Variants in SGMS1 observed in about 807,000 individuals in gnomAD.
SGMS1 encodes phosphatidylcholine:ceramide cholinephosphotransferase 1.
In SGMS1, 13 loss-of-function variants were observed where a neutral mutation model predicts 46.2. That is an observed-to-expected ratio of 0.28 (90% CI 0.18 to 0.45). The LOEUF is 0.45. Among genes scored for constraint, SGMS1 ranks in the 20% least tolerant of loss-of-function variants. SGMS1 has a pLI of 1.00. For synonymous variants in SGMS1, 203 were observed against 187.8 expected (o/e 1.08, Z -0.66); for missense variants, 324 against 519.9 (o/e 0.62, Z 3.66).
chr10:50,349,231 G>A (rs919636627), intron 6 of SGMS1, among the ~76,000 whole-genome samples: 1 of 152,166 alleles, frequency 6.6e-6, no homozygotes, highest in Non-Finnish European at 1.5e-5. Context: ...AATTCTCTAC[G>A]TATTCATCAA....
intron 9 of SGMS1, among the ~76,000 whole-genome samples, chr10:50,309,915 A>T (rs191382722): frequency 2.0e-5 from 3 of 152,238 alleles, no homozygotes; most frequent in African/African-American, 7.2e-5. Flanking sequence ...TGATGCCATC[A>T]GGCTAGTTTC....
At chr10:50,431,928 A>T (rs912517917) in intron 6 of SGMS1, among the ~76,000 whole-genome samples, 15 of 152,210 alleles carry the variant, frequency 9.9e-5, no homozygotes, top group African/African-American at 3.6e-4. Context: ...TATGAAGCTG[A>T]GTCAACAACT....
chr10:50,358,395 A>T (rs1848191005), intron 6 of SGMS1, among the ~76,000 whole-genome samples: 2 of 152,236 alleles, frequency 1.3e-5, no homozygotes, highest in Admixed American at 1.3e-4. Flanking sequence ...AAAAGTTTTT[A>T]CATCTTGTGG....
intron 3 of SGMS1, among the ~76,000 whole-genome samples, chr10:50,518,846 T>C (rs1322443226): frequency 6.6e-6 from 1 of 152,234 alleles, no homozygotes; most frequent in Non-Finnish European, 1.5e-5. Context: ...ATTAAAAGTA[T>C]GCACTCTGTT....
At chr10:50,328,159 G>A (rs894811908) in intron 7 of SGMS1, 19 of 274,262 alleles carry the variant, frequency 6.9e-5, no homozygotes, top group African/African-American at 2.3e-4. Flanking sequence ...GTTAGATAAC[G>A]TCTCCTAATA....
chr10:50,493,464 T>C (rs1055520849), intron 3 of SGMS1, among the ~76,000 whole-genome samples: 2 of 151,990 alleles, frequency 1.3e-5, no homozygotes, highest in Non-Finnish European at 2.9e-5. Flanking sequence ...TAAGCAAAAA[T>C]TGACAAATGT....
chr10:50,501,780 A>T (rs1837663761), intron 3 of SGMS1, among the ~76,000 whole-genome samples: 1 of 152,178 alleles, frequency 6.6e-6, no homozygotes, highest in African/African-American at 2.4e-5. Context: ...ACTTTCAAAG[A>T]GGTTAGACAA....
chr10:50,381,009 T>C (rs56322925), intron 6 of SGMS1, among the ~76,000 whole-genome samples: 44,312 of 149,494 alleles, frequency 0.3, 6,968 homozygotes, highest in Middle Eastern at 0.38. Flanking sequence ...TTTTTTTTTT[T>C]TCCCAGAGAT....
At chr10:50,311,521 A>T in intron 8 of SGMS1, 106 bp from the exon 9 acceptor site, 2 of 1,210,448 alleles carry the variant, frequency 1.7e-6, no homozygotes, top group Non-Finnish European at 2.2e-6. Flanking sequence ...ATTAAGAAAC[A>T]TAAAATCCCC....
intron 6 of SGMS1, among the ~76,000 whole-genome samples, chr10:50,411,576 GA>G (rs1849101940): frequency 6.6e-6 from 1 of 152,180 alleles, no homozygotes; most frequent in Non-Finnish European, 1.5e-5. Flanking sequence ...CCATATCTGA[GA>G]AATCAAAGTG....
At chr10:50,552,789 G>C (rs1838159512) in intron 2 of SGMS1, among the ~76,000 whole-genome samples, 1 of 149,810 alleles carries the variant, frequency 6.7e-6, no homozygotes, top group African/African-American at 2.5e-5. Context: ...CCTTGAGATG[G>C]GGGGATTATC....
chr10:50,399,022 G>T (rs1848891341), intron 6 of SGMS1, among the ~76,000 whole-genome samples: 1 of 152,044 alleles, frequency 6.6e-6, no homozygotes, highest in African/African-American at 2.4e-5. Context: ...TGGAAGTAGA[G>T]ATTAAATGTA....
At chr10:50,329,009 T>G (rs1052071831) in intron 7 of SGMS1, among the ~76,000 whole-genome samples, 8 of 152,216 alleles carry the variant, frequency 5.3e-5, no homozygotes, top group Non-Finnish European at 1.0e-4. Context: ...TCACTTGAAC[T>G]ATACAAGAAA....
Position 50,404,934 on chromosome 10 carries a change from T to C in SGMS1, c.-232+28542A>G, listed in dbSNP as rs949460034. ...TGTTGACAGGAATATATCTCAAAAA[T>C]AGGTAAAGTACAAAGAAAAAGCTAA... is the stretch of plus-strand genomic sequence containing the variant. On this transcript the variant is annotated intron_variant, in intron 6 of 10. Transcript: ENST00000361781. Among the ~76,000 whole-genome samples the C allele has an allele frequency of 3.9e-5, 6 of 152,102 alleles. No individual in the cohort carries two copies. In the South Asian group the frequency reaches 6.2e-4, roughly 16 times the overall value.
intron 2 of SGMS1, among the ~76,000 whole-genome samples, chr10:50,578,884 T>G (rs995502970): frequency 5.9e-5 from 9 of 152,322 alleles, no homozygotes; most frequent in African/African-American, 2.2e-4. Context: ...GGAAATCTGA[T>G]AGATGACAGC....
chr10:50,576,550 T>A (rs1352367149), intron 2 of SGMS1, among the ~76,000 whole-genome samples: 3 of 152,244 alleles, frequency 2.0e-5, no homozygotes, highest in Non-Finnish European at 4.4e-5. Flanking sequence ...ATTTCATTCA[T>A]GCTCTGTCTG....
At chr10:50,588,721 ATTTTTT>A (rs71029314) in intron 2 of SGMS1, among the ~76,000 whole-genome samples, 7 of 92,220 alleles carry the variant, frequency 7.6e-5, no homozygotes, top group East Asian at 3.6e-4. Flanking sequence ...GACTGATCTA[ATTTTTT>A]TTTTTTTTTT....
At chr10:50,453,635 G>T (rs1837140915) in intron 5 of SGMS1, among the ~76,000 whole-genome samples, 1 of 150,918 alleles carries the variant, frequency 6.6e-6, no homozygotes, top group South Asian at 2.1e-4. Context: ...TCGATTTCCG[G>T]AAAGAAATGA....
intron 3 of SGMS1, among the ~76,000 whole-genome samples, chr10:50,506,836 G>A (rs981238571): frequency 1.7e-4 from 26 of 152,180 alleles, no homozygotes; most frequent in African/African-American, 6.3e-4. Flanking sequence ...TACCCTGCTA[G>A]GTGCTTCACG....
Sources: gnomAD v4.1 joint callset for allele counts (sites outside exome capture counted in the v4.1 genomes callset) on GRCh38, gnomAD v4.1.1 for gene constraint, MANE v1.5 for transcripts, NCBI Gene and HGNC (gene_info 2026-07-23, HGNC 2026-07-21) for gene names.